The following ADGRL3 variants were observed in gnomAD, a reference collection of about 807,000 sequenced individuals.
ADGRL3 encodes the protein calcium-independent alpha-latrotoxin receptor 3.
In ADGRL3, 62 loss-of-function variants were observed where a neutral mutation model predicts 153.5. The observed-to-expected ratio is 0.40, with a 90% CI of 0.33 to 0.50. The LOEUF is 0.50. ADGRL3 is among the 20% of genes least tolerant of loss of function. The pLI is 0.47. For synonymous variants in ADGRL3, 710 were observed against 672.5 expected (o/e 1.06, Z -0.86); for missense variants, 1,641 against 1,859.4 (o/e 0.88, Z 2.16).
At chr4:61,394,290 A>T (rs1207787632) in intron 2 of ADGRL3, among the ~76,000 whole-genome samples, 1 of 152,036 alleles carries the variant, frequency 6.6e-6, no homozygotes, top group Non-Finnish European at 1.5e-5. Flanking sequence ...TACATATCAT[A>T]TTGTTCTCTT....
chr4:61,672,118 C>A (rs891831397), intron 5 of ADGRL3, among the ~76,000 whole-genome samples: 3 of 152,080 alleles, frequency 2.0e-5, no homozygotes, highest in African/African-American at 4.8e-5. Context: ...CATATTCCCC[C>A]AAAATTGCCC....
rs2095664683 is a variant in ADGRL3 at position 61,697,554 on chromosome 4, C to T, written c.583+20619C>T. On this transcript the variant is annotated intron_variant, in intron 6 of 26. Coordinates refer to ENST00000683033, the MANE Select transcript of ADGRL3 (RefSeq NM_001387552.1). ...AGCCGGGATGGCAAAAGTGAAACTC[C>T]TAAAAAAAAAAAAAGAAAGAAATAT... Among the ~76,000 whole-genome samples, 5 of 15,744 alleles carry T rather than the reference C, an allele frequency of 3.2e-4. No individual in the cohort carries two copies. In the South Asian group the frequency reaches 0.027, roughly 85 times the overall value. 10.3% of individuals were successfully genotyped at this position (15,744 alleles called of 152,430 possible).
chr4:61,308,943 CTTCAT>C (rs2094900013), intron 1 of ADGRL3, among the ~76,000 whole-genome samples: 1 of 152,080 alleles, frequency 6.6e-6, no homozygotes, highest in African/African-American at 2.4e-5. Flanking sequence ...TATTTGGCCA[CTTCAT>C]TTCATTTTTT....
At position 62,054,819 on chromosome 4, in the gene ADGRL3, A is replaced by C. The variant is rs746263138; in HGVS notation, c.3814+10270A>C. On this transcript the variant is annotated intron_variant, in intron 25 of 26. Coordinates refer to ENST00000683033, the MANE Select transcript of ADGRL3 (RefSeq NM_001387552.1). Reference sequence around the variant, plus strand: ...AATAGAAATGTGGGCCAAAGATAAGAACAGGCAACTCACAAAAAAGAAACC... The same window carrying C: ...AATAGAAATGTGGGCCAAAGATAAGCACAGGCAACTCACAAAAAAGAAACC... 4.0e-4 allele frequency among the ~76,000 whole-genome samples: 60 copies of C among 151,702 alleles called. 2 individuals carry two copies. The highest frequency in any genetic ancestry group is 1.0e-4 in the Non-Finnish European group (7 of 67,682).
chr4:61,243,636 A>T (rs1755865646), intron 1 of ADGRL3, among the ~76,000 whole-genome samples: 2 of 151,996 alleles, frequency 1.3e-5, no homozygotes, highest in South Asian at 4.1e-4. Flanking sequence ...TTTTGGTTCT[A>T]ATGTTGGCTT....
At chr4:61,257,190 T>A (rs2092049063) in intron 1 of ADGRL3, among the ~76,000 whole-genome samples, 1 of 152,186 alleles carries the variant, frequency 6.6e-6, no homozygotes, top group Non-Finnish European at 1.5e-5. Context: ...GTGGTATTTC[T>A]ATTAAATCCA....
intron 5 of ADGRL3, among the ~76,000 whole-genome samples, chr4:61,620,429 T>C (rs1222668154): frequency 2.0e-5 from 3 of 152,122 alleles, no homozygotes; most frequent in Non-Finnish European, 4.4e-5. Context: ...ATGGTACCAA[T>C]GATGGCTTTT....
chr4:61,234,870 C>A (rs1752237852), intron 1 of ADGRL3, among the ~76,000 whole-genome samples: 1 of 152,042 alleles, frequency 6.6e-6, no homozygotes, highest in Admixed American at 6.6e-5. Flanking sequence ...TGGCAGTGTG[C>A]AAATAAGAAT....
At chr4:61,234,789 A>C (rs1007203975) in intron 1 of ADGRL3, among the ~76,000 whole-genome samples, 1 of 152,108 alleles carries the variant, frequency 6.6e-6, no homozygotes, top group African/African-American at 2.4e-5. Flanking sequence ...TGATGACCGA[A>C]TGAGGGGTAG....
chr4:61,869,426 A>G (rs997527061), intron 9 of ADGRL3, among the ~76,000 whole-genome samples: 36 of 150,894 alleles, frequency 2.4e-4, no homozygotes, highest in Non-Finnish European at 4.7e-4. Context: ...GTGAAACCCC[A>G]TCTCTACTAA....
At chr4:61,335,204 G>T (rs1283701938) in intron 1 of ADGRL3, among the ~76,000 whole-genome samples, 2 of 152,080 alleles carry the variant, frequency 1.3e-5, no homozygotes, top group African/African-American at 4.8e-5. Flanking sequence ...TCATCTTTAA[G>T]AAGAATTCAT....
At chr4:61,406,215 G>A (rs2096993988) in intron 2 of ADGRL3, among the ~76,000 whole-genome samples, 1 of 151,826 alleles carries the variant, frequency 6.6e-6, no homozygotes, top group South Asian at 2.1e-4. Context: ...ATATCACATA[G>A]CTAACATGTG....
intron 2 of ADGRL3, among the ~76,000 whole-genome samples, chr4:61,402,109 T>C (rs192601580): frequency 1.3e-5 from 2 of 152,180 alleles, no homozygotes; most frequent in Admixed American, 6.6e-5. Context: ...GAAATATTTC[T>C]TCCTCTTTGA....
chr4:61,469,624 T>A (rs1236639626), intron 2 of ADGRL3, among the ~76,000 whole-genome samples: 1 of 152,068 alleles, frequency 6.6e-6, no homozygotes, highest in Non-Finnish European at 1.5e-5. Flanking sequence ...AGCATTTTAT[T>A]CTTTGTTGTA....
chr4:61,225,845 G>A (rs1165470394), intron 1 of ADGRL3, among the ~76,000 whole-genome samples: 1 of 152,078 alleles, frequency 6.6e-6, no homozygotes. Context: ...AAGTTCTCTG[G>A]ATTTGTTTCC....
At chr4:61,555,543 G>C (rs979066549) in intron 4 of ADGRL3, among the ~76,000 whole-genome samples, 1 of 152,160 alleles carries the variant, frequency 6.6e-6, no homozygotes, top group African/African-American at 2.4e-5. Flanking sequence ...ATGGGGATAA[G>C]TAACAGACAA....
chr4:61,606,127 A>T (rs1214581572), intron 5 of ADGRL3, among the ~76,000 whole-genome samples: 3 of 150,788 alleles, frequency 2.0e-5, no homozygotes, highest in Non-Finnish European at 4.4e-5. Context: ...AACTGTACAT[A>T]AAAAAAAAGG....
chr4:61,311,217 G>A (rs72614726), intron 1 of ADGRL3, among the ~76,000 whole-genome samples: 19,614 of 152,102 alleles, frequency 0.13, 1,447 homozygotes, highest in South Asian at 0.27. Context: ...TGTATTCAGT[G>A]CATGACAGAT....
rs1037378864 is a variant in ADGRL3, at chr4:61,979,876, T to A, written c.3015+104T>A. 4 of 970,422 alleles carry A rather than the reference T, an allele frequency of 4.1e-6. No individual in the cohort carries two copies. In the Admixed American group the frequency reaches 9.3e-5, roughly 23 times the overall value. 60.1% of individuals were successfully genotyped at this position (970,422 alleles called of 1,614,324 possible). A position where few individuals can be genotyped will look rare whatever the true frequency, so the allele number is the denominator to read the frequency against. On this transcript the variant is annotated intron_variant, in intron 18 of 26. Coordinates refer to ENST00000683033, the MANE Select transcript of ADGRL3 (RefSeq NM_001387552.1). ...TGTTTGAAAGTATCATTTCTTCTAG[T>A]CATCTAAGATAGATACTAATTTTCA...
Sources: gnomAD v4.1 joint callset for allele counts (sites outside exome capture counted in the v4.1 genomes callset) on GRCh38, gnomAD v4.1.1 for gene constraint, MANE v1.5 for transcripts, NCBI Gene and HGNC (gene_info 2026-07-23, HGNC 2026-07-21) for gene names.